The following REV3L variants were observed in gnomAD, a reference collection of about 807,000 sequenced individuals.
REV3L encodes DNA polymerase zeta catalytic subunit.
Under a neutral mutation model 299.4 loss-of-function variants are expected in REV3L, and 69 were observed. The ratio of observed to expected loss-of-function variants is 0.23; its 90% CI spans 0.19 to 0.28. The LOEUF is 0.28. Among genes scored for constraint, REV3L ranks in the 10% least tolerant of loss-of-function variants. The probability of loss-of-function intolerance (pLI) is 1.00; values close to 1 mark genes in which losing one functional copy is unlikely to be tolerated. For synonymous variants in REV3L, 1,238 were observed against 1,271.4 expected, an observed-to-expected ratio of 0.97 and a Z score of 0.56; for missense variants, 3,128 against 3,693.8, an observed-to-expected ratio of 0.85 and a Z score of 3.97.
chr6:111,307,234 T>C, intron 31 of REV3L, 127 bp downstream of exon 31: 4 of 731,004 alleles, frequency 5.5e-6, no homozygotes, highest in Non-Finnish European at 9.2e-6. Flanking sequence ...TTAGGAAGTT[T>C]ATCATTTAGA....
At chr6:111,349,600 A>G (rs1269698783) in intron 19 of REV3L, among the ~76,000 whole-genome samples, 1 of 152,054 alleles carries the variant, frequency 6.6e-6, no homozygotes, top group East Asian at 1.9e-4. Flanking sequence ...TATGTTGCCC[A>G]GGTTGAGTGC....
In REV3L at chr6:111,408,086, T is replaced by C. The variant is rs1409600546; in HGVS notation, c.405-2456A>G. Among the ~76,000 whole-genome samples, 8 of 152,236 alleles carry C rather than the reference T, an allele frequency of 5.3e-5. No homozygotes were observed. In the East Asian group the frequency reaches 9.6e-4, roughly 18 times the overall value. ...AAGTTTTATTAATATTAAAATGGAA[T>C]TGGAAAGAAAGACGGGAATAGCCGA... On this transcript the variant is annotated intron_variant, in intron 3 of 31. Coordinates refer to ENST00000368802, the MANE Select transcript of REV3L (RefSeq NM_001372078.1).
chr6:111,407,109 C>T (rs1157443948), intron 3 of REV3L, among the ~76,000 whole-genome samples: 1 of 151,976 alleles, frequency 6.6e-6, no homozygotes, highest in Non-Finnish European at 1.5e-5. Flanking sequence ...GATCCTGTGT[C>T]TTAAAAAAAC....
intron 1 of REV3L, among the ~76,000 whole-genome samples, chr6:111,424,462 T>G (rs989679684): frequency 9.2e-5 from 14 of 152,214 alleles, no homozygotes; most frequent in African/African-American, 3.4e-4. Flanking sequence ...ATTAAAGGTT[T>G]GCAACAATTC....
chr6:111,440,365 A>G (rs1188941242), intron 1 of REV3L, among the ~76,000 whole-genome samples: 2 of 152,210 alleles, frequency 1.3e-5, no homozygotes, highest in Admixed American at 1.3e-4. Context: ...CACCACGCCG[A>G]GTCCCAAAGC....
intron 25 of REV3L, among the ~76,000 whole-genome samples, chr6:111,327,318 G>A (rs1774935695): frequency 6.6e-6 from 1 of 152,136 alleles, no homozygotes; most frequent in African/African-American, 2.4e-5. Flanking sequence ...TGTAATCCCT[G>A]CCAAGGCAGG....
At chr6:111,450,350 G>A (rs546348049) in intron 1 of REV3L, among the ~76,000 whole-genome samples, 4 of 151,730 alleles carry the variant, frequency 2.6e-5, no homozygotes, top group Admixed American at 6.6e-5. Context: ...ACGGTGATGC[G>A]CACCTGTTGT....
chr6:111,390,288 G>A, intron 5 of REV3L, 108 bp from the exon 6 acceptor site: 1 of 661,172 alleles, frequency 1.5e-6, no homozygotes, highest in South Asian at 1.9e-5. Flanking sequence ...CAGAAAACCT[G>A]ATATATTAAT....
intron 16 of REV3L, among the ~76,000 whole-genome samples, chr6:111,360,470 C>CTTT (rs71021836): frequency 8.9e-4 from 115 of 129,456 alleles, no homozygotes; most frequent in Admixed American, 2.6e-3. Context: ...GTTAAATAAT[C>CTTT]TTTTTTTTTT....
intron 1 of REV3L, among the ~76,000 whole-genome samples, chr6:111,458,745 C>T (rs894147914): frequency 6.6e-6 from 1 of 152,002 alleles, no homozygotes; most frequent in Non-Finnish European, 1.5e-5. Context: ...AAGATCTCTA[C>T]AAGGAGAACT....
Position 111,392,960 on chromosome 6 carries a change from T to G in REV3L, c.578A>C (p.His193Pro), listed in dbSNP as rs1055904829. The G allele has an allele frequency of 1.6e-5, 25 of 1,600,144 alleles. No homozygotes were observed. In the South Asian group the frequency reaches 2.8e-4, roughly 18 times the overall value. ...ATGATTCTTGCAGGATCCAGTTGCA[T>G]GCAATGTATTACCTAGGAATAGAAA... Reference protein sequence around the residue: ...RKARRKSNTLHATGSCKNHLS... With the variant: ...RKARRKSNTLPATGSCKNHLS... Residue 193 changes from histidine (H) to proline (P), a missense_variant, in exon 5 of 32, where the codon CAT (histidine) becomes CCT (proline). His to Pro is a moderately conservative substitution (Grantham distance 77, BLOSUM62 -2). Transcript: ENST00000368802.
intron 20 of REV3L, among the ~76,000 whole-genome samples, chr6:111,348,670 G>C (rs1777265439): frequency 1.3e-5 from 2 of 152,166 alleles, no homozygotes; most frequent in South Asian, 4.1e-4. Context: ...TGTATTTTGA[G>C]ACAGGGTCTC....
rs768735908 is a variant in REV3L at position 111,343,889 on chromosome 6, T to A, written c.7538+36A>T. On this transcript the variant is annotated intron_variant, in intron 21 of 31. Coordinates refer to ENST00000368802, the MANE Select transcript of REV3L (RefSeq NM_001372078.1). ...CATATAAATTACATCTCAATGATGA[T>A]TTTATATTACCTTCTTCAGAGTTAT... The A allele has an allele frequency of 4.5e-5, 60 of 1,325,242 alleles. No individual in the cohort carries two copies. The East Asian group carries it at 4.9e-4, about 11-fold the overall frequency. The allele number at this position is 1,325,242 out of a possible 1,614,324, so 82.1% of individuals were successfully genotyped here.
rs776720164 is a variant in REV3L, at chr6:111,349,287, T to C, written c.7350A>G (p.Ser2450=). 9.3e-6 allele frequency: 15 copies of C among 1,607,434 alleles called. 1 individual carries two copies. In the South Asian group the frequency reaches 1.0e-4, roughly 11 times the overall value. The change falls in exon 20 of 32, where the codon TCA becomes TCG. Residue 2450 remains serine (S), a synonymous_variant. Coordinates refer to ENST00000368802, the MANE Select transcript of REV3L (RefSeq NM_001372078.1). ...RFAAERDEYG[S]YTMSEINIVG... ...CAATATTTATCTCACTCATTGTATA[T>C]GATCCATACTCATCTCTTTCAGCTG...
intron 21 of REV3L, among the ~76,000 whole-genome samples, chr6:111,341,867 G>T (rs1352481851): frequency 6.6e-6 from 1 of 152,124 alleles, no homozygotes; most frequent in Non-Finnish European, 1.5e-5. Flanking sequence ...CTCGCTGGGG[G>T]TTGAGTGTGG....
rs568612706 is a variant in REV3L, at chr6:111,406,876, C to CT, written c.405-1247dup. Reference sequence around the variant, plus strand: ...CAGAGGTAACTAACATTTCTGAGCACTATATATTGGATACTGTGCTAACGT... The same window carrying CT: ...CAGAGGTAACTAACATTTCTGAGCACTTATATATTGGATACTGTGCTAACGT... On this transcript the variant is annotated intron_variant, in intron 3 of 31. Transcript: ENST00000368802. 1.3e-4 allele frequency among the ~76,000 whole-genome samples: 20 copies of CT among 152,216 alleles called. 1 individual carries two copies. The East Asian group carries it at 3.9e-3, about 29-fold the overall frequency.
chr6:111,405,537 G>A lies in REV3L; in HGVS notation c.498C>T (p.Asp166=), dbSNP rs1783529262. Residue 166 remains aspartate (D), a synonymous_variant, in exon 4 of 32, where the codon GAC becomes GAT. Transcript: ENST00000368802. The part of the protein sequence containing the change: ...HIPYLLQLFI[D]YNLYGMNLIN... ...TTAAATTCATGCCATAAAGATTGTA[G>A]TCAATGAAGAGCTGTAGGAGGTAGG... The A allele has an allele frequency of 6.2e-7, 1 of 1,609,174 alleles. No individual in the cohort carries two copies.
At chr6:111,346,120 C>CGGAAA (rs1465725094) in intron 20 of REV3L, among the ~76,000 whole-genome samples, 9 of 152,174 alleles carry the variant, frequency 5.9e-5, no homozygotes, top group African/African-American at 1.9e-4. Flanking sequence ...TATATTCCGC[C>CGGAAA]TTCCTGTCTG....
At chr6:111,455,776 AATT>A (rs1389350269) in intron 1 of REV3L, among the ~76,000 whole-genome samples, 1 of 152,224 alleles carries the variant, frequency 6.6e-6, no homozygotes, top group Non-Finnish European at 1.5e-5. Flanking sequence ...ATGTATTAAA[AATT>A]ATTGACAAAA....
Sources: gnomAD v4.1 joint callset for allele counts (sites outside exome capture counted in the v4.1 genomes callset) on GRCh38, gnomAD v4.1.1 for gene constraint, MANE v1.5 for transcripts, NCBI Gene and HGNC (gene_info 2026-07-23, HGNC 2026-07-21) for gene names.